The following PCNX2 variants were observed in gnomAD, a reference collection of about 807,000 sequenced individuals.
The protein encoded by PCNX2 is pecanex-like protein 2.
Under a neutral mutation model 223.8 loss-of-function variants are expected in PCNX2, and 168 were observed. That is an observed-to-expected ratio of 0.75 (90% confidence interval 0.66 to 0.85). The LOEUF (loss-of-function observed/expected upper bound fraction) is 0.85, where lower values mean the gene tolerates loss of function less well. Ranked by LOEUF, PCNX2 falls within the 40% of genes least tolerant of loss-of-function variation. The probability of loss-of-function intolerance (pLI) is 0.00; values close to 1 mark genes in which losing one functional copy is unlikely to be tolerated. For synonymous variants in PCNX2, 1,006 were observed against 1,052.6 expected, an observed-to-expected ratio of 0.96 and a Z score of 0.86; for missense variants, 2,507 against 2,675.5, an observed-to-expected ratio of 0.94 and a Z score of 1.39.
chr1:233,120,385 C>T (rs1256380727), intron 21 of PCNX2, among the ~76,000 whole-genome samples: 1 of 151,900 alleles, frequency 6.6e-6, no homozygotes, highest in Non-Finnish European at 1.5e-5. Context: ...TAAATTAAAA[C>T]CACAATGAGA....
At chr1:233,033,280 G>T (rs1572031586) in intron 25 of PCNX2, 1 of 806,752 alleles carries the variant, frequency 1.2e-6, no homozygotes, top group Non-Finnish European at 1.5e-6. Flanking sequence ...TAATCTAAAA[G>T]GTATACATAG....
intron 5 of PCNX2, among the ~76,000 whole-genome samples, chr1:233,257,480 A>C (rs1659798156): frequency 2.6e-5 from 4 of 152,218 alleles, no homozygotes; most frequent in Admixed American, 2.6e-4. Flanking sequence ...CTTCCAGGCA[A>C]ACCACAAGGT....
chr1:233,167,764 A>G, intron 17 of PCNX2: 1 of 985,048 alleles, frequency 1.0e-6, no homozygotes, highest in Non-Finnish European at 1.2e-6. Context: ...AGAGCTTGCT[A>G]CTGTGTCCTG....
intron 28 of PCNX2, among the ~76,000 whole-genome samples, chr1:233,005,518 G>T (rs1173685149): frequency 5.3e-5 from 8 of 152,150 alleles, no homozygotes; most frequent in African/African-American, 1.9e-4. Context: ...GAGACATTGT[G>T]GTGCTTCATG....
chr1:233,058,424 T>C (rs1468255324), intron 23 of PCNX2: 1 of 152,220 alleles, frequency 6.6e-6, no homozygotes, highest in Admixed American at 6.5e-5. Context: ...GAATGAAATA[T>C]GAAATTGACA....
chr1:233,170,342 G>A (rs1679077705), intron 17 of PCNX2, among the ~76,000 whole-genome samples: 2 of 152,110 alleles, frequency 1.3e-5, no homozygotes, highest in South Asian at 4.1e-4. Flanking sequence ...TTTTAGTCTG[G>A]TAGTTTTGAA....
At chr1:233,044,827 C>T (rs912546254) in intron 25 of PCNX2, among the ~76,000 whole-genome samples, 5 of 152,012 alleles carry the variant, frequency 3.3e-5, no homozygotes, top group Non-Finnish European at 7.4e-5. Context: ...TGCCACCACG[C>T]CCAGCTGCTT....
chr1:233,315,798 G>A, the PCNX2 span, among the ~76,000 whole-genome samples: 1 of 151,948 alleles, frequency 6.6e-6, no homozygotes, highest in East Asian at 1.9e-4. Flanking sequence ...GACCTTAGAA[G>A]GATGACTAAC....
chr1:233,090,752 C>T (rs1673831258), intron 22 of PCNX2, among the ~76,000 whole-genome samples: 1 of 151,992 alleles, frequency 6.6e-6, no homozygotes, highest in Non-Finnish European at 1.5e-5. Flanking sequence ...AGTTTTTAAG[C>T]AAAAAACACC....
At chr1:233,127,786 A>ACTTATTATGCACAAAGT (rs946960116) in intron 21 of PCNX2, among the ~76,000 whole-genome samples, 3 of 152,248 alleles carry the variant, frequency 2.0e-5, no homozygotes, top group African/African-American at 4.8e-5. Flanking sequence ...TGTTCAGAAC[A>ACTTATTATGCACAAAGT]GTTCCTGGCC....
chr1:233,084,293 C>G (rs764780716), intron 23 of PCNX2, among the ~76,000 whole-genome samples: 1 of 152,156 alleles, frequency 6.6e-6, no homozygotes, highest in Non-Finnish European at 1.5e-5. Context: ...TTATTTCTTG[C>G]TGAGAAAGGC....
At chr1:233,169,552 G>A (rs1048624097) in intron 17 of PCNX2, among the ~76,000 whole-genome samples, 1 of 150,518 alleles carries the variant, frequency 6.6e-6, no homozygotes, top group Non-Finnish European at 1.5e-5. Context: ...GGCTGAGGCA[G>A]GAGAATGGCG....
intron 19 of PCNX2, among the ~76,000 whole-genome samples, chr1:233,144,926 G>A (rs114974635): frequency 0.013 from 1,968 of 149,846 alleles, 29 homozygotes; most frequent in Middle Eastern, 0.024. Flanking sequence ...TAGGGCCTTC[G>A]GTGCTATTTG....
chr1:233,304,404 A>G, the PCNX2 span, among the ~76,000 whole-genome samples: 2 of 152,258 alleles, frequency 1.3e-5, no homozygotes, highest in African/African-American at 2.4e-5. Context: ...TACAGACGAC[A>G]AAAAGACTAT....
intron 21 of PCNX2, among the ~76,000 whole-genome samples, chr1:233,104,425 A>G (rs1489931077): frequency 1.3e-5 from 2 of 152,160 alleles, no homozygotes; most frequent in Non-Finnish European, 2.9e-5. Flanking sequence ...AATAGAATAC[A>G]TAGCAGTACA....
At position 233,259,032 on chromosome 1, in the gene PCNX2, C is replaced by T. The variant is rs375747180; in HGVS notation, c.830G>A (p.Gly277Glu). The T allele has an allele frequency of 6.2e-7, 1 of 1,613,974 alleles. No individual in the cohort carries two copies. The highest frequency in any genetic ancestry group is 8.5e-7 in the Non-Finnish European group (1 of 1,179,878). ...LETDVSFQPW[G>E]SENSVLIPEP... is the part of the protein sequence containing the mutation. ...TGGAATCAGGACTGAATTCTCACTCCCCCACGGCTGGAAAGAAACGTCTGT... is the reference window on the plus strand; with the variant it reads ...TGGAATCAGGACTGAATTCTCACTCTCCCACGGCTGGAAAGAAACGTCTGT... The change falls in exon 5 of 34, where the codon GGG becomes GAG. Residue 277 changes from glycine (G) to glutamate (E), a missense_variant. Gly to Glu is a moderately conservative substitution (Grantham distance 98, BLOSUM62 -2). This residue lies in a region of PCNX2 where 1,031 missense variants were observed against 1,021.7 expected (regional missense o/e 1.01). Coordinates refer to ENST00000258229, the MANE Select transcript of PCNX2 (RefSeq NM_014801.4).
At chr1:233,075,581 T>C (rs1673053052) in intron 23 of PCNX2, among the ~76,000 whole-genome samples, 1 of 152,124 alleles carries the variant, frequency 6.6e-6, no homozygotes, top group South Asian at 2.1e-4. Context: ...TCAACATCAA[T>C]ATCTAGGTTG....
chr1:233,090,767 G>T (rs1673832553), intron 22 of PCNX2, among the ~76,000 whole-genome samples: 2 of 152,096 alleles, frequency 1.3e-5, no homozygotes, highest in Non-Finnish European at 2.9e-5. Flanking sequence ...AACACCACAT[G>T]CACATGAAGT....
At position 232,999,126 on chromosome 1, in the gene PCNX2, C is replaced by A; in HGVS notation, c.5582G>T (p.Trp1861Leu). 6.2e-7 allele frequency: 1 copy of A among 1,610,646 alleles called. No homozygotes were observed. Among genetic ancestry groups the A allele is most frequent in the Non-Finnish European group, 8.5e-7 (1 of 1,177,390 alleles). The part of the protein sequence containing the change: ...GPITLDRIRT[W>L]FWTKWVRMRK... The stretch of plus-strand genomic sequence containing the variant: ...TTACCTTACCCACTTGGTCCAGAAC[C>A]AGGTCCTAATTCTGTCCAAAGTGAT... Residue 1861 changes from tryptophan to leucine, a missense_variant, in exon 31 of 34, where the codon TGG becomes TTG. By Grantham distance (61) the Trp-to-Leu change is moderately conservative. Around this residue, in one of 3 missense-constraint regions of PCNX2, gnomAD observed 1,372 missense variants for 1,509.4 expected, o/e 0.91. Transcript: ENST00000258229.
Sources: allele counts gnomAD v4.1 joint callset (sites outside exome capture counted in the v4.1 genomes callset), GRCh38; gene constraint gnomAD v4.1.1; regional missense constraint gnomAD v4.1.1; transcripts MANE v1.5; gene names NCBI Gene and HGNC (gene_info 2026-07-23, HGNC 2026-07-21).